PRKCB: variants seen among roughly 807,000 people sequenced by gnomAD.
The protein encoded by PRKCB is protein kinase C beta type.
In PRKCB, 13 loss-of-function variants were observed where a neutral mutation model predicts 81.5. The ratio of observed to expected loss-of-function variants is 0.16; its 90% CI spans 0.10 to 0.25. The LOEUF is 0.25. PRKCB is among the 10% of genes least tolerant of loss of function. PRKCB has a pLI of 1.00. For missense variants in PRKCB, 509 were observed against 875.7 expected (o/e 0.58, Z 5.29); for synonymous variants, 335 against 321.4 (o/e 1.04, Z -0.45).
At chr16:23,896,586 G>T (rs1441635858) in intron 2 of PRKCB, among the ~76,000 whole-genome samples, 1 of 152,172 alleles carries the variant, frequency 6.6e-6, no homozygotes, top group Admixed American at 6.5e-5. Flanking sequence ...TTAATGAGGG[G>T]ATGCTTTTTG....
chr16:23,885,464 A>G (rs1346990784), intron 2 of PRKCB, among the ~76,000 whole-genome samples: 2 of 151,988 alleles, frequency 1.3e-5, no homozygotes, highest in East Asian at 3.9e-4. Flanking sequence ...GCCCGCCACC[A>G]CGCCCAGCTA....
chr16:24,006,586 T>C (rs1225540175), intron 3 of PRKCB, among the ~76,000 whole-genome samples: 3 of 152,210 alleles, frequency 2.0e-5, no homozygotes, highest in Non-Finnish European at 4.4e-5. Flanking sequence ...AAGGAATTCA[T>C]TGGAAAAGAT....
chr16:24,113,182 C>A, intron 8 of PRKCB, 113 bp downstream of exon 8: 1 of 680,590 alleles, frequency 1.5e-6, no homozygotes, highest in Non-Finnish European at 2.3e-6. Flanking sequence ...TTCTCTCCTT[C>A]CTTACTTCCT....
intron 5 of PRKCB, among the ~76,000 whole-genome samples, chr16:24,088,299 A>C (rs1966333117): frequency 6.6e-6 from 1 of 152,202 alleles, no homozygotes; most frequent in Non-Finnish European, 1.5e-5. Flanking sequence ...ATTCCGTTGC[A>C]CAGAAAGTTT....
chr16:24,120,102 T>C (rs1966781954), intron 8 of PRKCB, among the ~76,000 whole-genome samples: 1 of 151,954 alleles, frequency 6.6e-6, no homozygotes, highest in Admixed American at 6.6e-5. Context: ...GGCACAAGAG[T>C]ACACACTCTA....
At chr16:23,977,551 T>A (rs1964641804) in intron 2 of PRKCB, among the ~76,000 whole-genome samples, 1 of 152,034 alleles carries the variant, frequency 6.6e-6, no homozygotes, top group South Asian at 2.1e-4. Flanking sequence ...AAAAGAAAAC[T>A]GAAGTAGGGA....
At chr16:24,031,148 G>A (rs1210367560) in intron 3 of PRKCB, among the ~76,000 whole-genome samples, 1 of 152,216 alleles carries the variant, frequency 6.6e-6, no homozygotes, top group African/African-American at 2.4e-5. Flanking sequence ...ATCCAAGTCT[G>A]CCTTTTACCA....
intron 5 of PRKCB, among the ~76,000 whole-genome samples, chr16:24,040,218 A>G (rs901932447): frequency 1.3e-5 from 2 of 152,174 alleles, no homozygotes; most frequent in Non-Finnish European, 2.9e-5. Context: ...AAACCCATCA[A>G]TGGTTTCCCA....
At chr16:24,008,216 G>A (rs545871787) in intron 3 of PRKCB, among the ~76,000 whole-genome samples, 6 of 152,188 alleles carry the variant, frequency 3.9e-5, no homozygotes, top group Admixed American at 6.5e-5. Flanking sequence ...CCTCTGGCCC[G>A]TGGGGCTATG....
At chr16:24,014,281 GA>G (rs1266452151) in intron 3 of PRKCB, among the ~76,000 whole-genome samples, 1 of 152,178 alleles carries the variant, frequency 6.6e-6, no homozygotes, top group Non-Finnish European at 1.5e-5. Context: ...GAGGGGTGGG[GA>G]GGGGAGGAGA....
chr16:23,893,338 C>A (rs1399178611), intron 2 of PRKCB: 1 of 152,226 alleles, frequency 6.6e-6, no homozygotes, highest in Non-Finnish European at 1.5e-5. Context: ...CCAGCTCTTT[C>A]CATTTTCTTT....
At chr16:23,915,311 C>G (rs895568164) in intron 2 of PRKCB, among the ~76,000 whole-genome samples, 1 of 152,156 alleles carries the variant, frequency 6.6e-6, no homozygotes, top group Non-Finnish European at 1.5e-5. Context: ...TATGCTGTCC[C>G]TCCAAATAAG....
chr16:23,850,369 A>ATT (rs112763732), intron 2 of PRKCB, among the ~76,000 whole-genome samples: 2 of 151,400 alleles, frequency 1.3e-5, no homozygotes, highest in African/African-American at 2.4e-5. Flanking sequence ...ATTTAATTTA[A>ATT]TTTTTTTTAA....
intron 5 of PRKCB, among the ~76,000 whole-genome samples, chr16:24,063,154 C>A (rs1965993753): frequency 6.6e-6 from 1 of 152,100 alleles, no homozygotes; most frequent in East Asian, 1.9e-4. Flanking sequence ...AATGACATCT[C>A]AATGCTGCTA....
chr16:23,940,704 A>C (rs1052414439), intron 2 of PRKCB, among the ~76,000 whole-genome samples: 2 of 152,146 alleles, frequency 1.3e-5, no homozygotes, highest in Non-Finnish European at 1.5e-5. Context: ...TATGAACAAC[A>C]TGCAAGTTAG....
chr16:23,939,022 T>G (rs915433600), intron 2 of PRKCB, among the ~76,000 whole-genome samples: 3 of 152,166 alleles, frequency 2.0e-5, no homozygotes, highest in Non-Finnish European at 4.4e-5. Context: ...AACACATAAG[T>G]GAATTCAGCA....
intron 5 of PRKCB, among the ~76,000 whole-genome samples, chr16:24,048,440 G>GATGAT (rs1284653630): frequency 1.3e-5 from 2 of 151,916 alleles, no homozygotes; most frequent in Non-Finnish European, 2.9e-5. Context: ...GTGGAGTGAT[G>GATGAT]ATGATACATG....
chr16:24,006,054 C>T (rs113320691), intron 3 of PRKCB, among the ~76,000 whole-genome samples: 5 of 152,280 alleles, frequency 3.3e-5, no homozygotes, highest in African/African-American at 1.2e-4. Context: ...ATACAGTCTC[C>T]ACCTCCCTTC....
In PRKCB at chr16:24,202,236, C is replaced by T. The variant is rs114148487; in HGVS notation, c.1863+11006C>T. 1.6e-3 allele frequency among the ~76,000 whole-genome samples: 241 copies of T among 152,260 alleles called. 1 individual carries two copies. The highest frequency in any genetic ancestry group is 5.6e-3 in the African/African-American group (233 of 41,566). ...GGAATCCTCCTTACTACTACTCTTA[C>T]TACTGCTATGATTACTACCCTACCT... On this transcript the variant is annotated intron_variant, in intron 16 of 16. Transcript: ENST00000643927.
Sources: allele counts gnomAD v4.1 joint callset (sites outside exome capture counted in the v4.1 genomes callset), GRCh38; gene constraint gnomAD v4.1.1; transcripts MANE v1.5; gene names NCBI Gene and HGNC (gene_info 2026-07-23, HGNC 2026-07-21).